Variants in GAB1 observed in about 807,000 individuals in gnomAD.
The protein encoded by GAB1 is GRB2-associated-binding protein 1.
GAB1 carries 19 observed loss-of-function variants against 66.5 expected under a neutral mutation model. That is an observed-to-expected ratio of 0.29 (90% confidence interval 0.20 to 0.42). GAB1 has a LOEUF of 0.42. Among genes scored for constraint, GAB1 ranks in the 10% least tolerant of loss-of-function variants. The probability of loss-of-function intolerance (pLI) is 1.00; values close to 1 mark genes in which losing one functional copy is unlikely to be tolerated. For missense variants in GAB1, 732 were observed against 858.5 expected (o/e 0.85, Z 1.84); for synonymous variants, 294 against 301.4 (o/e 0.98, Z 0.25).
intron 1 of GAB1, among the ~76,000 whole-genome samples, chr4:143,357,838 G>A (rs1729508632): frequency 6.6e-6 from 1 of 151,590 alleles, no homozygotes; most frequent in Admixed American, 6.6e-5. Context: ...TCTCTTCAAA[G>A]ATGGTTCTTA....
At chr4:143,381,305 T>C (rs1227774164) in intron 1 of GAB1, among the ~76,000 whole-genome samples, 1 of 152,220 alleles carries the variant, frequency 6.6e-6, no homozygotes, top group Non-Finnish European at 1.5e-5. Context: ...AGTTAGCTTT[T>C]GCCCTTGCCT....
intron 1 of GAB1, among the ~76,000 whole-genome samples, chr4:143,352,473 T>C (rs1486579063): frequency 1.3e-5 from 2 of 152,220 alleles, no homozygotes; most frequent in Non-Finnish European, 2.9e-5. Context: ...GATCTTAAGA[T>C]ACTTATAGCT....
Position 143,337,234 on chromosome 4 carries a change from C to A in GAB1, c.46C>A (p.Pro16Thr). Residue 16 changes from proline (P) to threonine (T), a missense_variant, in exon 1 of 10, where the codon CCC (proline) becomes ACC (threonine). Coordinates refer to ENST00000262994, the MANE Select transcript of GAB1 (RefSeq NM_002039.4). ...VVCSGWLRKS[P>T]PEKKLKRYAW... is the part of the protein sequence containing the mutation. ...CTGCTCCGGATGGCTCCGCAAGTCC[C>A]CCCCGGAGAAAAAGTTGAAGCGTTA... 1.9e-6 allele frequency: 3 copies of A among 1,584,688 alleles called. No individual in the cohort carries two copies. Among genetic ancestry groups the A allele is most frequent in the Non-Finnish European group, 8.6e-7 (1 of 1,165,192 alleles).
chr4:143,411,497 G>C (rs1732388977), intron 1 of GAB1, among the ~76,000 whole-genome samples: 2 of 152,152 alleles, frequency 1.3e-5, no homozygotes, highest in African/African-American at 4.8e-5. Flanking sequence ...AAATTACTTT[G>C]AGTATTTGGT....
At chr4:143,363,316 A>G (rs1729737639) in intron 1 of GAB1, among the ~76,000 whole-genome samples, 1 of 152,208 alleles carries the variant, frequency 6.6e-6, no homozygotes, top group Non-Finnish European at 1.5e-5. Flanking sequence ...GACCAGAGCT[A>G]CAGACTCAGG....
chr4:143,399,551 C>T (rs1265535476), intron 1 of GAB1, among the ~76,000 whole-genome samples: 1 of 152,054 alleles, frequency 6.6e-6, no homozygotes. Context: ...CATAAACACT[C>T]CACTAGGGGG....
intron 1 of GAB1, 50 bp downstream of exon 1, chr4:143,337,310 TC>T (rs1347010230): frequency 1.4e-6 from 2 of 1,481,216 alleles, no homozygotes; most frequent in Non-Finnish European, 1.8e-6. Context: ...TCCACACCCC[TC>T]CCCAGTCGGC....
chr4:143,409,312 G>GT (rs887944256), intron 1 of GAB1, among the ~76,000 whole-genome samples: 6 of 152,066 alleles, frequency 3.9e-5, no homozygotes, highest in Admixed American at 3.3e-4. Flanking sequence ...GATGAGACAG[G>GT]TAAGTATGGT....
chr4:143,392,834 C>T (rs1415104702), intron 1 of GAB1, among the ~76,000 whole-genome samples: 2 of 152,044 alleles, frequency 1.3e-5, no homozygotes, highest in African/African-American at 2.4e-5. Context: ...CAACTACTAT[C>T]GTATATAGCT....
At chr4:143,356,486 A>G (rs1729452379) in intron 1 of GAB1, among the ~76,000 whole-genome samples, 1 of 152,238 alleles carries the variant, frequency 6.6e-6, no homozygotes, top group Admixed American at 6.5e-5. Context: ...CCATAGAGGA[A>G]TATGGGAGTG....
intron 1 of GAB1, among the ~76,000 whole-genome samples, chr4:143,364,112 C>T (rs1358778733): frequency 3.3e-5 from 5 of 150,788 alleles, no homozygotes; most frequent in Non-Finnish European, 5.9e-5. Flanking sequence ...CGCTTGAACC[C>T]GGGAATCAGA....
chr4:143,433,740 G>A (rs1183393715), intron 3 of GAB1, 24 bp downstream of exon 3: 1 of 1,537,864 alleles, frequency 6.5e-7, no homozygotes, highest in African/African-American at 1.4e-5. Context: ...GCCCATGTGA[G>A]AGAGAGACAG....
In GAB1 at chr4:143,430,170, C is replaced by T. The variant is rs546671791; in HGVS notation, c.368-3321C>T. Reference sequence around the variant, plus strand: ...ACATTTGAAAGCACCTGTCAAAGTTCTGTAGCTGATTATAAACATCTTTTG... The same window carrying T: ...ACATTTGAAAGCACCTGTCAAAGTTTTGTAGCTGATTATAAACATCTTTTG... On this transcript the variant is annotated intron_variant, in intron 2 of 9. Transcript: ENST00000262994. Among the ~76,000 whole-genome samples the T allele has an allele frequency of 5.9e-5, 9 of 152,242 alleles. No homozygotes were observed. In the South Asian group the frequency reaches 1.9e-3, roughly 32 times the overall value.
At chr4:143,449,920 C>T (rs188396443) in intron 6 of GAB1, among the ~76,000 whole-genome samples, 73 of 151,968 alleles carry the variant, frequency 4.8e-4, no homozygotes, top group Non-Finnish European at 7.7e-4. Flanking sequence ...AACCACTTTG[C>T]ACCTTAGGAG....
intron 1 of GAB1, among the ~76,000 whole-genome samples, chr4:143,363,050 G>A (rs559498304): frequency 6.6e-6 from 1 of 152,202 alleles, no homozygotes; most frequent in African/African-American, 2.4e-5. Flanking sequence ...AGGAACTGAT[G>A]CTCAGAGTAA....
intron 1 of GAB1, among the ~76,000 whole-genome samples, chr4:143,409,854 G>A (rs1006322835): frequency 3.9e-5 from 6 of 152,158 alleles, no homozygotes; most frequent in Non-Finnish European, 7.4e-5. Context: ...AGCTTGAAAG[G>A]ACCTGTGTTT....
Position 143,438,507 on chromosome 4 carries a change from GACACTGACAGTAGTT to G in GAB1, c.1105_1119del (p.Thr369_Tyr373del), listed in dbSNP as rs1560770826. The G allele has an allele frequency of 6.2e-7, 1 of 1,613,964 alleles. No individual in the cohort carries two copies. The highest frequency in any genetic ancestry group is 1.7e-5 in the Admixed American group (1 of 59,992). On this transcript the variant is annotated inframe_deletion, in exon 4 of 10. Transcript: ENST00000262994. ...GTGTAGTATCCCACGCACCGCCTCA[GACACTGACAGTAGTT>G]ACTGTATCCCTACAGCAGGGATGTC...
At chr4:143,338,116 A>G (rs957999976) in intron 1 of GAB1, among the ~76,000 whole-genome samples, 2 of 152,212 alleles carry the variant, frequency 1.3e-5, no homozygotes, top group South Asian at 2.1e-4. Flanking sequence ...TTTAGCTGTT[A>G]GGAAAAATAT....
intron 1 of GAB1, among the ~76,000 whole-genome samples, chr4:143,342,992 G>A (rs1396042511): frequency 6.6e-6 from 1 of 152,158 alleles, no homozygotes; most frequent in African/African-American, 2.4e-5. Context: ...GTATTAAAAT[G>A]TAATTTGATG....
Sources: allele counts gnomAD v4.1 joint callset (sites outside exome capture counted in the v4.1 genomes callset), GRCh38; gene constraint gnomAD v4.1.1; transcripts MANE v1.5; gene names NCBI Gene and HGNC (gene_info 2026-07-23, HGNC 2026-07-21).